LRP2: variants seen among roughly 807,000 people sequenced by gnomAD.
LRP2 encodes the protein low-density lipoprotein receptor-related protein 2.
A neutral mutation model predicts 531.0 loss-of-function variants in LRP2; 172 were observed. The observed-to-expected ratio is 0.32, with a 90% CI of 0.29 to 0.37. The LOEUF (loss-of-function observed/expected upper bound fraction) is 0.37, where lower values mean the gene tolerates loss of function less well. Among genes scored for constraint, LRP2 ranks in the 10% least tolerant of loss-of-function variants. The pLI is 1.00. For missense variants in LRP2, 5,167 were observed against 5,868.3 expected, an observed-to-expected ratio of 0.88 and a Z score of 3.90; for synonymous variants, 1,992 against 2,027.6, an observed-to-expected ratio of 0.98 and a Z score of 0.47.
At chr2:169,331,273 C>A (rs1343371230) in intron 1 of LRP2, among the ~76,000 whole-genome samples, 1 of 152,214 alleles carries the variant, frequency 6.6e-6, no homozygotes, top group Non-Finnish European at 1.5e-5. Context: ...AATGTCCTCT[C>A]CCCATCCCAA....
At chr2:169,313,280 A>G (rs1684667959) in intron 3 of LRP2, among the ~76,000 whole-genome samples, 1 of 152,154 alleles carries the variant, frequency 6.6e-6, no homozygotes, top group South Asian at 2.1e-4. Flanking sequence ...GAAGGAGAAG[A>G]GGTGCTCTGA....
At position 169,273,121 on chromosome 2, in the gene LRP2, A is replaced by ACATTTTACACT; in HGVS notation, c.1976-55_1976-54insAGTGTAAAATG. The ACATTTTACACT allele has an allele frequency of 7.5e-6, 12 of 1,603,198 alleles. No individual in the cohort carries two copies. In the South Asian group the frequency reaches 1.3e-4, roughly 18 times the overall value. On this transcript the variant is annotated intron_variant, in intron 14 of 78. Transcript: ENST00000649046. ...TGCAATTAGAAATGTGTAATTATCC[A>ACATTTTACACT]AGACATGAAGCCACTTCTAGCCCTT...
At chr2:169,270,583 AC>A (rs1357685906) in intron 16 of LRP2, among the ~76,000 whole-genome samples, 1 of 133,616 alleles carries the variant, frequency 7.5e-6, no homozygotes, top group Non-Finnish European at 1.6e-5. Flanking sequence ...AGGATGGGGA[AC>A]ATCACACGCC....
At chr2:169,244,358 T>C (rs1238470940) in intron 22 of LRP2, among the ~76,000 whole-genome samples, 1 of 152,228 alleles carries the variant, frequency 6.6e-6, no homozygotes. Flanking sequence ...TGGATATATC[T>C]ATATGACTTT....
At position 169,150,995 on chromosome 2, in the gene LRP2, G is replaced by T. The variant is rs570499038; in HGVS notation, c.12493C>A (p.Arg4165Ser). ...CCATCAAGTTTAGCCACCTCAATGC[G>T]TTTATTCTTGACATCTGACCAGTAA... ...HIYWSDVKNK[R>S]IEVAKLDGRY... The change falls in exon 68 of 79, where the codon CGC (arginine) becomes AGC (serine). Residue 4165 changes from arginine to serine, a missense_variant. By Grantham distance (110) the Arg-to-Ser change is moderately radical (BLOSUM62 -1). Transcript: ENST00000649046. 3 of 1,613,908 alleles carry T rather than the reference G, an allele frequency of 1.9e-6. No individual in the cohort carries two copies. Among genetic ancestry groups the T allele is most frequent in the Non-Finnish European group, 2.5e-6 (3 of 1,179,868 alleles).
rs777657103 is a variant in LRP2, at chr2:169,294,162, T to C, written c.638A>G (p.Asp213Gly). The change falls in exon 6 of 79, where the codon GAC (aspartate) becomes GGC (glycine). Residue 213 changes from aspartate (D) to glycine (G), a missense_variant. By Grantham distance (94) the Asp-to-Gly change is moderately conservative (BLOSUM62 -1). This residue lies in a region of LRP2 where 2,811 missense variants were observed against 3,058.0 expected (regional missense o/e 0.92). Coordinates refer to ENST00000649046, the MANE Select transcript of LRP2 (RefSeq NM_004525.3). ...AATCACCGTACTGCAAGCATGTTCG[T>C]CACTGCCGTCTTGGCAATCATTGTC... ...DHDNDCQDGS[D>G]EHACNYPTCG... 1 of 1,610,660 alleles carries C rather than the reference T, an allele frequency of 6.2e-7. No homozygotes were observed. The highest frequency in any genetic ancestry group is 8.5e-7 in the Non-Finnish European group (1 of 1,176,916).
At chr2:169,353,244 A>G (rs539606985) in intron 1 of LRP2, among the ~76,000 whole-genome samples, 6 of 152,198 alleles carry the variant, frequency 3.9e-5, no homozygotes, top group Non-Finnish European at 5.9e-5. Context: ...TTTTGAGAAC[A>G]TAACTAAAAC....
Position 169,203,963 on chromosome 2 carries a change from T to C in LRP2, c.8005+19A>G. 1.9e-6 allele frequency: 3 copies of C among 1,613,518 alleles called. No individual in the cohort carries two copies. Among genetic ancestry groups the C allele is most frequent in the Non-Finnish European group, 2.5e-6 (3 of 1,179,512 alleles). On this transcript the variant is annotated intron_variant, in intron 42 of 78. Coordinates refer to ENST00000649046, the MANE Select transcript of LRP2 (RefSeq NM_004525.3). ...GATCATTATTCTCCATGTTCTAATT[T>C]TCATGGTCAGTGCCTTACCTGGTGC...
intron 16 of LRP2, among the ~76,000 whole-genome samples, chr2:169,269,421 A>T (rs530584098): frequency 6.6e-6 from 1 of 152,348 alleles, no homozygotes; most frequent in Admixed American, 6.5e-5. Flanking sequence ...GACCAATGGA[A>T]CAGAATAGAG....
chr2:169,312,920 C>G (rs575104990), intron 3 of LRP2, among the ~76,000 whole-genome samples: 33 of 152,266 alleles, frequency 2.2e-4, no homozygotes, highest in African/African-American at 7.7e-4. Flanking sequence ...TCTTTTTTCT[C>G]TAAACTGCTC....
chr2:169,143,342 T>C (rs1339433937), intron 70 of LRP2, among the ~76,000 whole-genome samples: 1 of 152,172 alleles, frequency 6.6e-6, no homozygotes, highest in Admixed American at 6.5e-5. Context: ...CTGGGAGCTA[T>C]TCAAAACTAT....
At chr2:169,272,830 G>C in intron 15 of LRP2, 97 bp downstream of exon 15, 1 of 1,509,336 alleles carries the variant, frequency 6.6e-7, no homozygotes. Context: ...TAGACAGGGA[G>C]CTGGTCCAGT....
chr2:169,191,924 G>T lies in LRP2; in HGVS notation c.8940C>A (p.Asp2980Glu), dbSNP rs139641589. The T allele has an allele frequency of 6.2e-7, 1 of 1,613,954 alleles. No individual in the cohort carries two copies. The highest frequency in any genetic ancestry group is 1.7e-5 in the Admixed American group (1 of 59,998). ...TGCAATTCTGATTCTCATCGTAGCC[G>T]TCAGTACAATCCACATCGCCATCAC... ...WVCDGDVDCT[D>E]GYDENQNCTR... Residue 2980 changes from aspartate to glutamate, a missense_variant, in exon 48 of 79, where the codon GAC (aspartate) becomes GAA (glutamate). This residue lies in a region of LRP2 where 1,129 missense variants were observed against 1,362.7 expected (regional missense o/e 0.83). Coordinates refer to ENST00000649046, the MANE Select transcript of LRP2 (RefSeq NM_004525.3).
Position 169,173,948 on chromosome 2 carries a change from T to G in LRP2, c.10985A>C (p.Asp3662Ala), listed in dbSNP as rs1257619143. 8.1e-6 allele frequency: 13 copies of G among 1,614,186 alleles called. No homozygotes were observed. The highest frequency in any genetic ancestry group is 1.0e-5 in the Non-Finnish European group (12 of 1,180,040). ...WKCDVDNDCG[D>A]HSDEPIEECM... ...TTCTTCAATGGGCTCATCCGAGTGGTCTCCACAATCATTATCCACATCACA... is the reference window on the plus strand; with the variant it reads ...TTCTTCAATGGGCTCATCCGAGTGGGCTCCACAATCATTATCCACATCACA... Residue 3662 changes from aspartate to alanine, a missense_variant, in exon 56 of 79, where the codon GAC becomes GCC. Physicochemically the swap from Asp to Ala is moderately radical, Grantham distance 126. This residue lies in a region of LRP2 where 311 missense variants were observed against 309.4 expected (regional missense o/e 1.01). Transcript: ENST00000649046.
chr2:169,328,898 A>G (rs891483956), intron 1 of LRP2, among the ~76,000 whole-genome samples: 2 of 152,192 alleles, frequency 1.3e-5, no homozygotes, highest in African/African-American at 4.8e-5. Flanking sequence ...AGTGCTTCCC[A>G]TGCATTACCT....
intron 34 of LRP2, 134 bp from the exon 35 acceptor site, chr2:169,216,564 G>C (rs188970678): frequency 1.2e-6 from 1 of 821,856 alleles, no homozygotes; most frequent in Non-Finnish European, 2.0e-6. Context: ...TCAATATCTC[G>C]TTGCATACAA....
At chr2:169,301,860 A>G (rs1395522167) in intron 4 of LRP2, among the ~76,000 whole-genome samples, 1 of 152,080 alleles carries the variant, frequency 6.6e-6, no homozygotes, top group East Asian at 1.9e-4. Context: ...ATGAACTACA[A>G]CCTAGGGGTC....
chr2:169,239,760 G>T lies in LRP2; in HGVS notation c.4061C>A (p.Ser1354Ter). ...ESPLCNGNSC[S>*]DFNGGCTHEC... ...GTGAGTACAACCACCATTGAAATCT[G>T]AGCAGCTGTTCCCATCTAGAAAAAA... The change falls in exon 26 of 79, where the codon TCA becomes TAA. Residue 1354 changes from serine to a stop codon, truncating the protein, a stop_gained. Coordinates refer to ENST00000649046, the MANE Select transcript of LRP2 (RefSeq NM_004525.3). LOFTEE classifies it high-confidence loss of function. The T allele has an allele frequency of 6.2e-7, 1 of 1,613,874 alleles. No individual in the cohort carries two copies. The highest frequency in any genetic ancestry group is 1.1e-5 in the South Asian group (1 of 91,044).
In LRP2 at chr2:169,174,046, G is replaced by T. The variant is rs762733138; in HGVS notation, c.10887C>A (p.His3629Gln). The T allele has an allele frequency of 6.2e-6, 10 of 1,614,250 alleles. No homozygotes were observed. In the South Asian group the frequency reaches 8.8e-5, roughly 14 times the overall value. Residue 3629 changes from histidine (H) to glutamine (Q), a missense_variant, in exon 56 of 79, where the codon CAC becomes CAA. Around this residue, in one of 6 missense-constraint regions of LRP2, gnomAD observed 311 missense variants for 309.4 expected, o/e 1.01. Transcript: ENST00000649046. ...CEDNSDEDSS[H>Q]CASRTCRPGQ... ...CCGGCCGGCAGGTCCTGCTGGCACAGTGGGAACTGTCTTCATCTGAGTTAT... is the reference window on the plus strand; with the variant it reads ...CCGGCCGGCAGGTCCTGCTGGCACATTGGGAACTGTCTTCATCTGAGTTAT...
Sources: allele counts gnomAD v4.1 joint callset (sites outside exome capture counted in the v4.1 genomes callset), GRCh38; gene constraint gnomAD v4.1.1; regional missense constraint gnomAD v4.1.1; transcripts MANE v1.5; gene names NCBI Gene and HGNC (gene_info 2026-07-23, HGNC 2026-07-21).